The following TECRL variants were observed in gnomAD, a reference collection of about 807,000 sequenced individuals.
The protein encoded by TECRL is trans-2,3-enoyl-CoA reductase-like.
In TECRL, 63 loss-of-function variants were observed where a neutral mutation model predicts 52.8. The observed-to-expected ratio is 1.19, with a 90% CI of 0.97 to 1.47. The LOEUF is 1.47. Among genes scored for constraint, TECRL ranks in the 40% most tolerant of loss-of-function variants. The pLI is 0.00. For missense variants in TECRL, 482 were observed against 429.6 expected, an observed-to-expected ratio of 1.12 and a Z score of -1.08; for synonymous variants, 164 against 141.9, an observed-to-expected ratio of 1.16 and a Z score of -1.10.
intron 2 of TECRL, among the ~76,000 whole-genome samples, chr4:64,338,027 A>G (rs1030685732): frequency 1.3e-5 from 2 of 152,212 alleles, no homozygotes; most frequent in African/African-American, 4.8e-5. Flanking sequence ...CCTGACTTCA[A>G]ACAATACTAT....
chr4:64,384,620 C>G (rs1442979833), intron 1 of TECRL, among the ~76,000 whole-genome samples: 1 of 152,092 alleles, frequency 6.6e-6, no homozygotes, highest in Non-Finnish European at 1.5e-5. Context: ...GGGGTCAATC[C>G]TTACACCCTT....
intron 9 of TECRL, 99 bp downstream of exon 9, chr4:64,289,611 A>G: frequency 1.1e-6 from 1 of 939,340 alleles, no homozygotes; most frequent in Non-Finnish European, 1.5e-6. Flanking sequence ...ATTTCCAACT[A>G]TTGATATTTT....
Position 64,281,356 on chromosome 4 carries a change from G to T in TECRL, c.918+118C>A, listed in dbSNP as rs1196715686. 2.3e-5 allele frequency: 15 copies of T among 661,416 alleles called. No individual in the cohort carries two copies. In the Admixed American group the frequency reaches 5.0e-4, roughly 22 times the overall value. 41.0% of individuals were successfully genotyped at this position (661,416 alleles called of 1,614,324 possible). ...CTATTTTGTTATACCATGATCTGTG[G>T]ATAAGACCTCTATATTTTTCCTGTA... On this transcript the variant is annotated intron_variant, in intron 10 of 11. Coordinates refer to ENST00000381210, the MANE Select transcript of TECRL (RefSeq NM_001010874.5).
intron 1 of TECRL, among the ~76,000 whole-genome samples, chr4:64,395,918 A>G (rs965993347): frequency 2.6e-5 from 4 of 152,304 alleles, no homozygotes; most frequent in Admixed American, 6.5e-5. Flanking sequence ...AAGTAAGAAC[A>G]TGCAGTATTT....
intron 6 of TECRL, among the ~76,000 whole-genome samples, chr4:64,308,433 T>C (rs978540095): frequency 6.6e-6 from 1 of 152,130 alleles, no homozygotes. Context: ...CAAGATGAAG[T>C]ATCTATGGCC....
rs1026134537 is a variant in TECRL at position 64,290,121 on chromosome 4, C to A, written c.775-354G>T. Among the ~76,000 whole-genome samples the A allele has an allele frequency of 1.1e-4, 17 of 152,146 alleles. 1 individual carries two copies. Among genetic ancestry groups the A allele is most frequent in the Admixed American group, 2.0e-4 (3 of 15,252 alleles). The stretch of plus-strand genomic sequence containing the variant: ...GCTGAAGACATATTTGGCATAGCTT[C>A]GTATTAATCTCAGTTCATTAACAGT... On this transcript the variant is annotated intron_variant, in intron 8 of 11. Coordinates refer to ENST00000381210, the MANE Select transcript of TECRL (RefSeq NM_001010874.5).
chr4:64,284,802 G>A (rs370426587), intron 9 of TECRL, among the ~76,000 whole-genome samples: 1 of 152,078 alleles, frequency 6.6e-6, no homozygotes. Context: ...TAGATGAATA[G>A]TTAAGAGACT....
chr4:64,319,850 TC>T (rs1717775419), intron 4 of TECRL, among the ~76,000 whole-genome samples: 1 of 151,858 alleles, frequency 6.6e-6, no homozygotes, highest in Admixed American at 6.6e-5. Context: ...AACATCAATC[TC>T]AAAATATTGT....
At chr4:64,397,990 G>A (rs12641456) in intron 1 of TECRL, among the ~76,000 whole-genome samples, 97,697 of 151,764 alleles carry the variant, frequency 0.64, 32,636 homozygotes, top group Non-Finnish European at 0.74. Context: ...ACTGTTTTAT[G>A]CTTATTCCCC....
chr4:64,395,923 G>A (rs1390252194), intron 1 of TECRL, among the ~76,000 whole-genome samples: 1 of 152,122 alleles, frequency 6.6e-6, no homozygotes, highest in Non-Finnish European at 1.5e-5. Context: ...AGAACATGCA[G>A]TATTTGGTTT....
intron 6 of TECRL, 90 bp downstream of exon 6, chr4:64,309,736 G>A (rs1019617530): frequency 5.8e-6 from 5 of 866,408 alleles, no homozygotes; most frequent in African/African-American, 5.2e-5. Flanking sequence ...GAAAATCTAA[G>A]TTTCGGAAGG....
At chr4:64,361,492 T>G (rs1721192989) in intron 2 of TECRL, among the ~76,000 whole-genome samples, 1 of 152,144 alleles carries the variant, frequency 6.6e-6, no homozygotes. Flanking sequence ...ATTGGGAACA[T>G]CTTGGACCCT....
intron 11 of TECRL, 146 bp downstream of exon 11, chr4:64,280,895 T>C (rs1411604408): frequency 2.2e-6 from 1 of 463,966 alleles, no homozygotes; most frequent in East Asian, 3.5e-5. Flanking sequence ...TATATTTTAA[T>C]ACTGCTAAAA....
At chr4:64,347,254 C>T (rs939054717) in intron 2 of TECRL, among the ~76,000 whole-genome samples, 2 of 152,154 alleles carry the variant, frequency 1.3e-5, no homozygotes, top group African/African-American at 2.4e-5. Context: ...TAAAAGAACA[C>T]TGACTTATCT....
chr4:64,350,310 G>GAA (rs1388532208), intron 2 of TECRL, among the ~76,000 whole-genome samples: 1 of 152,116 alleles, frequency 6.6e-6, no homozygotes, highest in Non-Finnish European at 1.5e-5. Context: ...GATGCTTTCA[G>GAA]AAAAATGTCC....
At chr4:64,325,494 G>T (rs1164375681) in intron 3 of TECRL, among the ~76,000 whole-genome samples, 1 of 152,016 alleles carries the variant, frequency 6.6e-6, no homozygotes, top group African/African-American at 2.4e-5. Context: ...CCTAATCAGA[G>T]AATCAAGCCA....
chr4:64,404,913 T>A (rs1724606118), intron 1 of TECRL, among the ~76,000 whole-genome samples: 1 of 152,230 alleles, frequency 6.6e-6, no homozygotes, highest in Admixed American at 6.6e-5. Context: ...CAAATTCACA[T>A]GTTTCTTGAA....
chr4:64,343,851 A>C (rs1293277846), intron 2 of TECRL, among the ~76,000 whole-genome samples: 2 of 152,092 alleles, frequency 1.3e-5, no homozygotes, highest in Non-Finnish European at 2.9e-5. Context: ...ACGGAGAGAA[A>C]AAAATAAAGT....
chr4:64,312,766 C>A (rs74733443), intron 5 of TECRL, among the ~76,000 whole-genome samples: 20 of 143,682 alleles, frequency 1.4e-4, no homozygotes, highest in East Asian at 2.0e-4. Context: ...GACCCTCTCT[C>A]AAAAAAAAAA....
Sources: gnomAD v4.1 joint callset for allele counts (sites outside exome capture counted in the v4.1 genomes callset) on GRCh38, gnomAD v4.1.1 for gene constraint, MANE v1.5 for transcripts, NCBI Gene and HGNC (gene_info 2026-07-23, HGNC 2026-07-21) for gene names.